GLYR1: variants seen among roughly 807,000 people sequenced by gnomAD.
GLYR1 encodes the protein cytokine-like nuclear factor N-PAC.
In GLYR1, 21 loss-of-function variants were observed where a neutral mutation model predicts 72.7. The ratio of observed to expected loss-of-function variants is 0.29; its 90% CI spans 0.20 to 0.42. GLYR1 has a LOEUF of 0.42. Among genes scored for constraint, GLYR1 ranks in the 10% least tolerant of loss-of-function variants. GLYR1 has a pLI of 1.00. For missense variants in GLYR1, 594 were observed against 712.1 expected, an observed-to-expected ratio of 0.83 and a Z score of 1.89; for synonymous variants, 392 against 270.2, an observed-to-expected ratio of 1.45 and a Z score of -4.42.
chr16:4,835,979 T>G (rs780291765), intron 3 of GLYR1, among the ~76,000 whole-genome samples: 2 of 152,208 alleles, frequency 1.3e-5, no homozygotes, highest in Non-Finnish European at 2.9e-5. Flanking sequence ...AATTTATTTT[T>G]TATAGAGATG....
At chr16:4,809,305 T>C (rs2083189977) in intron 15 of GLYR1, among the ~76,000 whole-genome samples, 1 of 148,662 alleles carries the variant, frequency 6.7e-6, no homozygotes, top group Non-Finnish European at 1.5e-5. Context: ...ATTCTCTGCC[T>C]CAGCCTCCTG....
rs781389128 is a variant in GLYR1, at chr16:4,847,282, C to A, written c.-17G>T. 6.8e-6 allele frequency: 11 copies of A among 1,609,804 alleles called. 1 individual carries two copies. The highest frequency in any genetic ancestry group is 9.3e-6 in the Non-Finnish European group (11 of 1,178,884). On this transcript the variant is annotated 5_prime_UTR_variant, in exon 1 of 16. Transcript: ENST00000321919. ...AGCCGCCATCTTACCACCCAACCAC[C>A]GCCGACGCACGGGCCGCCGGGAACA...
chr16:4,835,928 C>A (rs1338192602), intron 3 of GLYR1, among the ~76,000 whole-genome samples: 1 of 152,148 alleles, frequency 6.6e-6, no homozygotes, highest in Admixed American at 6.6e-5. Flanking sequence ...TATCTGAATA[C>A]AATTTTTTCT....
chr16:4,817,789 A>T, intron 9 of GLYR1, 92 bp from the exon 10 acceptor site: 1 of 799,438 alleles, frequency 1.3e-6, no homozygotes, highest in Non-Finnish European at 2.2e-6. Context: ...TCCCTTATAC[A>T]GCTTGGGGTA....
chr16:4,815,793 T>C (rs532857153), intron 10 of GLYR1, among the ~76,000 whole-genome samples: 1 of 152,336 alleles, frequency 6.6e-6, no homozygotes, highest in Admixed American at 6.5e-5. Context: ...TGTTTCATTT[T>C]TTTTTTTTGA....
intron 1 of GLYR1, chr16:4,846,724 G>C: frequency 4.3e-6 from 1 of 231,456 alleles, no homozygotes. Flanking sequence ...GGTTGTAAAG[G>C]AGAAGTCCCC....
rs374572125 is a variant in GLYR1, at chr16:4,805,218, G to C, written c.*18C>G. 3 of 1,611,888 alleles carry C rather than the reference G, an allele frequency of 1.9e-6. No individual in the cohort carries two copies. Among genetic ancestry groups the C allele is most frequent in the Non-Finnish European group, 2.5e-6 (3 of 1,178,406 alleles). On this transcript the variant is annotated 3_prime_UTR_variant, in exon 16 of 16. Transcript: ENST00000321919. ...GTCAGAGGGGGGATTGGAGGGGTGA[G>C]GGCGGGGTGTCGACAGCTTAGTGTA...
At chr16:4,828,648 C>T (rs894059635) in intron 5 of GLYR1, among the ~76,000 whole-genome samples, 2 of 151,994 alleles carry the variant, frequency 1.3e-5, no homozygotes, top group East Asian at 3.8e-4. Context: ...CCAGTGTCTG[C>T]GAAACAAACC....
At chr16:4,846,345 G>A (rs2142067272) in intron 1 of GLYR1, 135 bp from the exon 2 acceptor site, 2 of 936,508 alleles carry the variant, frequency 2.1e-6, no homozygotes, top group Non-Finnish European at 3.5e-6. Context: ...TTCATAGCTG[G>A]GCCCAACACC....
chr16:4,822,103 C>G (rs202232187), intron 7 of GLYR1, among the ~76,000 whole-genome samples: 2 of 98,106 alleles, frequency 2.0e-5, no homozygotes, highest in African/African-American at 4.4e-5. Flanking sequence ...AAATGCTCTT[C>G]TGAGATAGAG....
intron 15 of GLYR1, among the ~76,000 whole-genome samples, chr16:4,807,044 G>C (rs2083026722): frequency 6.7e-6 from 1 of 149,508 alleles, no homozygotes; most frequent in Non-Finnish European, 1.5e-5. Context: ...CTGACCTCGT[G>C]ATCCACCCGC....
intron 12 of GLYR1, among the ~76,000 whole-genome samples, chr16:4,813,112 G>A (rs578196239): frequency 3.9e-5 from 6 of 152,158 alleles, no homozygotes; most frequent in South Asian, 2.1e-4. Flanking sequence ...ACAGGTGCCC[G>A]CCACCGCGTC....
intron 15 of GLYR1, among the ~76,000 whole-genome samples, chr16:4,808,701 T>C (rs763393568): frequency 6.6e-6 from 1 of 151,800 alleles, no homozygotes; most frequent in Non-Finnish European, 1.5e-5. Flanking sequence ...ATTTTTATTA[T>C]AATAATATGG....
rs2082798432 is a variant in GLYR1, at chr16:4,803,398, G to C, written c.*1838C>G. The C allele has an allele frequency of 6.6e-6, 1 of 152,632 alleles. No homozygotes were observed. The highest frequency in any genetic ancestry group is 1.5e-5 in the Non-Finnish European group (1 of 68,040). The allele number at this position is 152,632 out of a possible 1,614,324, so 9.5% of individuals were successfully genotyped here. ...CATTTAAAGGTTTAAAGAAAAAAGG[G>C]AGGGGCTTTCTTACAAGCTTTTTCA... On this transcript the variant is annotated 3_prime_UTR_variant, in exon 16 of 16. Coordinates refer to ENST00000321919, the MANE Select transcript of GLYR1 (RefSeq NM_032569.4).
At position 4,821,403 on chromosome 16, in the gene GLYR1, G is replaced by C; in HGVS notation, c.783C>G (p.Gly261=). Residue 261 remains glycine, a synonymous_variant, in exon 9 of 16, where the codon GGC becomes GGG. Transcript: ENST00000321919. ...IQAADSTAVN[G]SITPTDKKIG... ...ACTTTTTGTCTGTGGGTGTGATGCT[G>C]CCATTCACGGCTGTGCTGTCAGCTG... The C allele has an allele frequency of 1.9e-6, 3 of 1,613,364 alleles. No individual in the cohort carries two copies. The highest frequency in any genetic ancestry group is 2.5e-6 in the Non-Finnish European group (3 of 1,180,028).
chr16:4,814,814 G>A (rs1044781690), intron 10 of GLYR1, among the ~76,000 whole-genome samples, 167 bp from the exon 11 acceptor site: 3 of 152,204 alleles, frequency 2.0e-5, no homozygotes, highest in East Asian at 1.9e-4. Context: ...GGAAGTGCAC[G>A]GGGCCTTTTA....
chr16:4,814,673 G>A (rs1035913543), intron 10 of GLYR1, 26 bp from the exon 11 acceptor site: 7 of 1,545,708 alleles, frequency 4.5e-6, no homozygotes, highest in Middle Eastern at 1.7e-4. Context: ...ATCCTAACGT[G>A]AGCTGCAGGC....
At chr16:4,825,162 A>C (rs964946451) in intron 5 of GLYR1, among the ~76,000 whole-genome samples, 2 of 152,170 alleles carry the variant, frequency 1.3e-5, no homozygotes, top group African/African-American at 4.8e-5. Flanking sequence ...TCAGATTATG[A>C]TGCTTCTTTG....
At chr16:4,831,389 C>T (rs17137307) in intron 5 of GLYR1, among the ~76,000 whole-genome samples, 2,556 of 152,304 alleles carry the variant, frequency 0.017, 68 homozygotes, top group African/African-American at 0.058. Flanking sequence ...TTTAGTACCA[C>T]GCTGCTTCAG....
Sources: allele counts gnomAD v4.1 joint callset (sites outside exome capture counted in the v4.1 genomes callset), GRCh38; gene constraint gnomAD v4.1.1; transcripts MANE v1.5; gene names NCBI Gene and HGNC (gene_info 2026-07-23, HGNC 2026-07-21).